Variants in RANBP2 observed in about 807,000 individuals in gnomAD.
RANBP2 encodes RAN binding protein 2.
RANBP2 carries 57 observed loss-of-function variants against 303.6 expected under a neutral mutation model. The observed-to-expected ratio is 0.19, with a 90% CI of 0.15 to 0.23. The LOEUF (loss-of-function observed/expected upper bound fraction) is 0.23, where lower values mean the gene tolerates loss of function less well. Ranked by LOEUF, RANBP2 falls within the 10% of genes least tolerant of loss-of-function variation. The pLI is 1.00. For synonymous variants in RANBP2, 1,167 were observed against 1,301.5 expected, an observed-to-expected ratio of 0.90 and a Z score of 2.23; for missense variants, 3,138 against 3,780.8, an observed-to-expected ratio of 0.83 and a Z score of 4.46.
chr2:108,755,316 A>G (rs1247655934), intron 17 of RANBP2, 57 bp downstream of exon 17: 124 of 1,607,536 alleles, frequency 7.7e-5, no homozygotes, highest in Admixed American at 1.3e-4. Context: ...TTCCCTGGCC[A>G]CTCTCTCACT....
the RANBP2 span, chr2:109,584,980 T>G: frequency 2.4e-6 from 1 of 422,766 alleles, no homozygotes; most frequent in South Asian, 9.9e-5. Flanking sequence ...AACAAAATAT[T>G]GTTTAATTAT....
chr2:109,582,459 A>G, the RANBP2 span, among the ~76,000 whole-genome samples: 1 of 152,116 alleles, frequency 6.6e-6, no homozygotes, highest in Non-Finnish European at 1.5e-5. Context: ...AGCTGGCAGT[A>G]TAGGTGCCCA....
At chr2:108,786,725 G>T, downstream of RANBP2, 2 of 1,152,684 alleles carry the variant, frequency 1.7e-6, no homozygotes, top group East Asian at 2.6e-5. Flanking sequence ...GTGCCTCGGG[G>T]GGGCGGGGTC....
the RANBP2 span, among the ~76,000 whole-genome samples, chr2:109,021,284 G>T: frequency 7.2e-5 from 11 of 152,292 alleles, no homozygotes; most frequent in African/African-American, 2.6e-4. Flanking sequence ...AGCACTTTGG[G>T]AGGCTGAGGC....
At chr2:109,171,779 C>T in the RANBP2 span, among the ~76,000 whole-genome samples, 68 of 152,356 alleles carry the variant, frequency 4.5e-4, no homozygotes, top group South Asian at 4.8e-3. Flanking sequence ...CCGTGCATCC[C>T]GGCCACGCTC....
the RANBP2 span, among the ~76,000 whole-genome samples, chr2:109,658,310 G>C: frequency 5.5e-5 from 8 of 144,328 alleles, no homozygotes; most frequent in Admixed American, 5.5e-4. Context: ...AGCCAGGCAT[G>C]GTGGCAGGCA....
intron 5 of RANBP2, 50 bp from the exon 6 acceptor site, chr2:108,736,054 T>C (rs757765149): frequency 1.9e-6 from 3 of 1,611,460 alleles, no homozygotes; most frequent in Non-Finnish European, 2.5e-6. Context: ...ATGATTAATT[T>C]CTTAACATTT....
chr2:108,938,806 C>G, the RANBP2 span, among the ~76,000 whole-genome samples: 1 of 148,970 alleles, frequency 6.7e-6, no homozygotes, highest in Non-Finnish European at 1.5e-5. Flanking sequence ...CCCCACCCCC[C>G]AGAGTCTTGC....
At chr2:109,303,165 C>G in the RANBP2 span, among the ~76,000 whole-genome samples, 2 of 152,310 alleles carry the variant, frequency 1.3e-5, no homozygotes, top group African/African-American at 4.8e-5. Flanking sequence ...CGTGAGCCAC[C>G]GCGCCCGGCC....
chr2:109,248,533 A>G, the RANBP2 span, among the ~76,000 whole-genome samples: 1 of 152,258 alleles, frequency 6.6e-6, no homozygotes, highest in African/African-American at 2.4e-5. Flanking sequence ...AATGGATGTT[A>G]CTACCCTGTA....
At chr2:109,290,914 T>G in the RANBP2 span, among the ~76,000 whole-genome samples, 1 of 152,246 alleles carries the variant, frequency 6.6e-6, no homozygotes, top group African/African-American at 2.4e-5. Flanking sequence ...AGATGGTAAA[T>G]TCGTTGAGAA....
At chr2:109,510,505 C>T in the RANBP2 span, among the ~76,000 whole-genome samples, 12 of 152,198 alleles carry the variant, frequency 7.9e-5, 1 homozygote, top group Admixed American at 1.3e-4. Flanking sequence ...AGGGAAACCC[C>T]GAGGTAGCTC....
the RANBP2 span, among the ~76,000 whole-genome samples, chr2:109,629,715 G>A: frequency 0.16 from 23,889 of 151,740 alleles, 2,286 homozygotes; most frequent in Non-Finnish European, 0.22. Context: ...GGAGGCTGAG[G>A]CAGAAGAATC....
the RANBP2 span, among the ~76,000 whole-genome samples, chr2:109,147,895 G>C: frequency 6.6e-6 from 1 of 152,266 alleles, no homozygotes; most frequent in East Asian, 1.9e-4. Context: ...TAAACTCTGC[G>C]TTTATAGTTA....
At chr2:109,238,741 A>T in the RANBP2 span, among the ~76,000 whole-genome samples, 1 of 152,188 alleles carries the variant, frequency 6.6e-6, no homozygotes, top group Admixed American at 6.5e-5. Context: ...TCCCCCAGGC[A>T]GCTGCTACAT....
the RANBP2 span, among the ~76,000 whole-genome samples, chr2:108,975,246 G>A: frequency 4.6e-5 from 7 of 152,320 alleles, no homozygotes; most frequent in East Asian, 7.7e-4. Context: ...GATAGCAGCT[G>A]CGGCCTCAGG....
At chr2:109,183,101 T>A in the RANBP2 span, among the ~76,000 whole-genome samples, 25 of 152,334 alleles carry the variant, frequency 1.6e-4, no homozygotes, top group South Asian at 4.1e-4. Flanking sequence ...ATTAACTTTT[T>A]AAAAGAAATC....
At chr2:109,517,648 G>T in the RANBP2 span, among the ~76,000 whole-genome samples, 2 of 152,208 alleles carry the variant, frequency 1.3e-5, no homozygotes, top group Admixed American at 6.5e-5. Context: ...AGACCCCACG[G>T]CTGTCTGCCT....
chr2:109,192,587 C>T, the RANBP2 span, among the ~76,000 whole-genome samples: 1 of 152,126 alleles, frequency 6.6e-6, no homozygotes, highest in Non-Finnish European at 1.5e-5. Flanking sequence ...CTTGAAACGG[C>T]ATGGAATAGT....
Sources: allele counts gnomAD v4.1 joint callset (sites outside exome capture counted in the v4.1 genomes callset), GRCh38; gene constraint gnomAD v4.1.1; transcripts MANE v1.5; gene names NCBI Gene and HGNC (gene_info 2026-07-23, HGNC 2026-07-21).